The following SV2C variants were observed in gnomAD, a reference collection of about 807,000 sequenced individuals.
SV2C encodes the protein solute carrier family 22 member B3.
Under a neutral mutation model 79.7 loss-of-function variants are expected in SV2C, and 49 were observed. The ratio of observed to expected loss-of-function variants is 0.61; its 90% CI spans 0.49 to 0.78. SV2C has a LOEUF of 0.78. SV2C is among the 30% of genes least tolerant of loss of function. SV2C has a pLI of 0.00. For synonymous variants in SV2C, 334 were observed against 333.2 expected (o/e 1.00, Z -0.03); for missense variants, 833 against 912.9 (o/e 0.91, Z 1.13).
At chr5:75,881,687 G>T in the SV2C span, among the ~76,000 whole-genome samples, 18,705 of 151,788 alleles carry the variant, frequency 0.12, 1,359 homozygotes, top group African/African-American at 0.21. Context: ...TCAGCTTAAG[G>T]AGATTTTGGG....
intron 12 of SV2C, among the ~76,000 whole-genome samples, chr5:76,341,701 A>G (rs563663107): frequency 1.3e-5 from 2 of 152,272 alleles, no homozygotes; most frequent in East Asian, 3.9e-4. Context: ...AGGTTCAGCA[A>G]TGTGCCTGAC....
intron 3 of SV2C, among the ~76,000 whole-genome samples, chr5:76,203,740 A>T (rs928485673): frequency 2.6e-5 from 4 of 152,194 alleles, no homozygotes; most frequent in African/African-American, 9.7e-5. Flanking sequence ...TAAATAACCA[A>T]ATTTTCTACT....
At chr5:75,935,784 G>A in the SV2C span, among the ~76,000 whole-genome samples, 87 of 152,216 alleles carry the variant, frequency 5.7e-4, no homozygotes, top group African/African-American at 2.0e-3. Flanking sequence ...CTCTGGAGAG[G>A]GGATAGGATT....
At chr5:76,089,711 A>G (rs1196751326) in intron 1 of SV2C, among the ~76,000 whole-genome samples, 1 of 152,208 alleles carries the variant, frequency 6.6e-6, no homozygotes, top group Non-Finnish European at 1.5e-5. Context: ...ATTTTTTAAT[A>G]ATCACCATTC....
the SV2C span, among the ~76,000 whole-genome samples, chr5:75,970,305 G>A: frequency 6.6e-6 from 1 of 151,896 alleles, no homozygotes. Context: ...CTAGCAGAAG[G>A]CAAGAAATAA....
chr5:76,175,075 G>T (rs1205700785), intron 2 of SV2C, among the ~76,000 whole-genome samples: 3 of 152,178 alleles, frequency 2.0e-5, no homozygotes, highest in Non-Finnish European at 4.4e-5. Flanking sequence ...GAAGGAGAGG[G>T]GGCATGGTGA....
chr5:76,244,569 A>G (rs1398003233), intron 4 of SV2C, among the ~76,000 whole-genome samples: 1 of 152,268 alleles, frequency 6.6e-6, no homozygotes, highest in Non-Finnish European at 1.5e-5. Flanking sequence ...GAGATAGTTT[A>G]CATTCTTTCT....
chr5:75,915,886 G>A, the SV2C span, among the ~76,000 whole-genome samples: 3 of 152,182 alleles, frequency 2.0e-5, no homozygotes, highest in African/African-American at 7.2e-5. Context: ...TTCTGAGCAG[G>A]AGAAAGAGAA....
At chr5:76,072,195 G>A in the SV2C span, among the ~76,000 whole-genome samples, 1 of 152,148 alleles carries the variant, frequency 6.6e-6, no homozygotes, top group African/African-American at 2.4e-5. Flanking sequence ...TTAAAGCCAT[G>A]AGTTCCTTAT....
the SV2C span, among the ~76,000 whole-genome samples, chr5:75,849,357 A>G: frequency 3.9e-5 from 6 of 152,196 alleles, no homozygotes; most frequent in Admixed American, 3.9e-4. Flanking sequence ...TCAATTACAT[A>G]TACACCTACT....
intron 2 of SV2C, among the ~76,000 whole-genome samples, chr5:76,148,276 TA>T (rs1167210957): frequency 2.2e-4 from 34 of 152,216 alleles, no homozygotes; most frequent in African/African-American, 8.0e-4. Context: ...GTGCACCAGT[TA>T]GAAAAGTCAA....
chr5:76,244,938 G>A (rs1745899160), intron 4 of SV2C, among the ~76,000 whole-genome samples: 1 of 152,204 alleles, frequency 6.6e-6, no homozygotes, highest in Non-Finnish European at 1.5e-5. Context: ...ATCATATAAA[G>A]AAGAGAGTCA....
At chr5:75,890,693 T>C in the SV2C span, among the ~76,000 whole-genome samples, 1 of 152,170 alleles carries the variant, frequency 6.6e-6, no homozygotes, top group Non-Finnish European at 1.5e-5. Flanking sequence ...TCCTGTGATG[T>C]CTAATGAAGT....
At chr5:76,209,130 T>C (rs559182750) in intron 3 of SV2C, among the ~76,000 whole-genome samples, 1 of 152,324 alleles carries the variant, frequency 6.6e-6, no homozygotes, top group South Asian at 2.1e-4. Context: ...GTCCCTTTCA[T>C]GTTTACTTAT....
At chr5:76,066,906 T>C in the SV2C span, among the ~76,000 whole-genome samples, 2 of 151,894 alleles carry the variant, frequency 1.3e-5, 1 homozygote, top group South Asian at 4.2e-4. Flanking sequence ...CAGCTATGTG[T>C]GTTTATTTTG....
chr5:76,329,532 G>C lies in SV2C; in HGVS notation c.*3985G>C, dbSNP rs1749111417. 6.6e-6 allele frequency: 1 copy of C among 152,164 alleles called. No homozygotes were observed. Among genetic ancestry groups the C allele is most frequent in the South Asian group, 2.1e-4 (1 of 4,818 alleles). 9.4% of individuals were successfully genotyped at this position (152,164 alleles called of 1,614,324 possible). On this transcript the variant is annotated 3_prime_UTR_variant, in exon 13 of 13. Transcript: ENST00000502798. The stretch of plus-strand genomic sequence containing the variant: ...TCAAGATACCTTAAGAGATCAAAGG[G>C]GAGGTGGGAAAAGAAATGTAGTGAC...
intron 9 of SV2C, among the ~76,000 whole-genome samples, chr5:76,296,344 G>A (rs1747756892): frequency 6.6e-6 from 1 of 152,112 alleles, no homozygotes; most frequent in African/African-American, 2.4e-5. Flanking sequence ...TTCTATTCCT[G>A]AGAAACAGAG....
intron 2 of SV2C, among the ~76,000 whole-genome samples, chr5:76,157,534 T>C (rs1742768746): frequency 6.6e-6 from 1 of 151,928 alleles, no homozygotes; most frequent in Non-Finnish European, 1.5e-5. Context: ...TTTTAAAAAC[T>C]GATTTAAAAA....
At chr5:76,257,362 G>T (rs552237896) in intron 4 of SV2C, among the ~76,000 whole-genome samples, 1 of 151,466 alleles carries the variant, frequency 6.6e-6, no homozygotes, top group South Asian at 2.1e-4. Context: ...CTACATGGTT[G>T]TATGTGTTGG....
Sources: allele counts gnomAD v4.1 joint callset (sites outside exome capture counted in the v4.1 genomes callset), GRCh38; gene constraint gnomAD v4.1.1; transcripts MANE v1.5; gene names NCBI Gene and HGNC (gene_info 2026-07-23, HGNC 2026-07-21).